VRK2: variants seen among roughly 807,000 people sequenced by gnomAD.
VRK2 encodes VRK serine/threonine kinase 2, also known as serine/threonine-protein kinase VRK2.
In VRK2, 60 loss-of-function variants were observed where a neutral mutation model predicts 57.6. The observed-to-expected ratio is 1.04, with a 90% CI of 0.85 to 1.29. The LOEUF (loss-of-function observed/expected upper bound fraction) is 1.29, where lower values mean the gene tolerates loss of function less well. Among genes scored for constraint, VRK2 ranks in the 50% most tolerant of loss-of-function variants. VRK2 has a pLI of 0.00. For missense variants in VRK2, 705 were observed against 588.1 expected, an observed-to-expected ratio of 1.20 and a Z score of -2.06; for synonymous variants, 231 against 199.2, an observed-to-expected ratio of 1.16 and a Z score of -1.35.
intron 2 of VRK2, among the ~76,000 whole-genome samples, chr2:58,063,323 G>A (rs1336628482): frequency 2.0e-5 from 3 of 150,830 alleles, no homozygotes; most frequent in Admixed American, 2.0e-4. Flanking sequence ...AAGAAGAAGT[G>A]GGTTAAAGGG....
At chr2:57,989,657 T>C (rs1252387010) in intron 1 of VRK2, among the ~76,000 whole-genome samples, 1 of 152,188 alleles carries the variant, frequency 6.6e-6, no homozygotes, top group Non-Finnish European at 1.5e-5. Context: ...AGGACCTCTT[T>C]GTAACTCAGA....
intron 1 of VRK2, among the ~76,000 whole-genome samples, chr2:57,959,764 G>A (rs899791335): frequency 3.9e-5 from 6 of 152,256 alleles, no homozygotes; most frequent in South Asian, 2.1e-4. Context: ...TGAACTGATA[G>A]GAGAGATACT....
At chr2:58,091,297 T>C (rs886268836) in intron 7 of VRK2, among the ~76,000 whole-genome samples, 5 of 152,176 alleles carry the variant, frequency 3.3e-5, no homozygotes, top group African/African-American at 1.2e-4. Flanking sequence ...GGAGAGACTT[T>C]GTGTGGGCTT....
At chr2:57,982,396 G>A (rs1457596499) in intron 1 of VRK2, among the ~76,000 whole-genome samples, 1 of 152,230 alleles carries the variant, frequency 6.6e-6, no homozygotes, top group Non-Finnish European at 1.5e-5. Flanking sequence ...GTCCCTGCAT[G>A]CAAAAGCACT....
At chr2:57,986,519 C>T (rs1672598031) in intron 1 of VRK2, among the ~76,000 whole-genome samples, 1 of 150,994 alleles carries the variant, frequency 6.6e-6, no homozygotes, top group African/African-American at 2.4e-5. Flanking sequence ...GATATCAAGA[C>T]TATAAAGCCA....
intron 7 of VRK2, among the ~76,000 whole-genome samples, chr2:58,100,026 T>C (rs1237243294): frequency 6.6e-6 from 1 of 151,970 alleles, no homozygotes; most frequent in Non-Finnish European, 1.5e-5. Flanking sequence ...AGTTGAAAAG[T>C]AGAAAAAAAT....
rs569596795 is a variant in VRK2, at chr2:58,093,101, G to T, written c.543+3378G>T. ...GGGTTGGTTACAAGTCTTTGCTATT[G>T]TGAATAGTGCTGCAATAAACATACA... On this transcript the variant is annotated intron_variant, in intron 7 of 12. Coordinates refer to ENST00000340157, the MANE Select transcript of VRK2 (RefSeq NM_006296.7). Among the ~76,000 whole-genome samples, 3 of 152,288 alleles carry T rather than the reference G, an allele frequency of 2.0e-5. No individual in the cohort carries two copies. In the South Asian group the frequency reaches 6.2e-4, roughly 32 times the overall value.
At chr2:57,968,390 C>T (rs1249520863) in intron 1 of VRK2, among the ~76,000 whole-genome samples, 2 of 152,124 alleles carry the variant, frequency 1.3e-5, no homozygotes, top group East Asian at 1.9e-4. Flanking sequence ...GGAGGAGGCT[C>T]ACTATGACTT....
intron 2 of VRK2, among the ~76,000 whole-genome samples, chr2:58,077,701 T>G (rs1261513081): frequency 6.6e-6 from 1 of 152,086 alleles, no homozygotes; most frequent in Non-Finnish European, 1.5e-5. Context: ...GGCAGTTCTC[T>G]TGAACTTATC....
chr2:58,089,168 T>A (rs1250360627), intron 6 of VRK2, among the ~76,000 whole-genome samples: 1 of 152,198 alleles, frequency 6.6e-6, no homozygotes, highest in African/African-American at 2.4e-5. Flanking sequence ...AGTTTTCTAT[T>A]ACCATACAGA....
At chr2:58,135,393 A>G (rs191320468) in intron 10 of VRK2, among the ~76,000 whole-genome samples, 194 bp downstream of exon 10, 3 of 151,712 alleles carry the variant, frequency 2.0e-5, no homozygotes, top group Non-Finnish European at 2.9e-5. Context: ...AACACAAAAA[A>G]CCTCAAAAGA....
At chr2:58,041,578 C>T (rs1254198064) in intron 3 of VRK2, among the ~76,000 whole-genome samples, 3 of 152,132 alleles carry the variant, frequency 2.0e-5, no homozygotes, top group Non-Finnish European at 2.9e-5. Context: ...AGCAGTTTAT[C>T]CCCAAATATA....
intron 1 of VRK2, among the ~76,000 whole-genome samples, chr2:57,939,569 GT>G (rs200358204): frequency 2.0e-5 from 3 of 151,600 alleles, no homozygotes; most frequent in East Asian, 3.9e-4. Flanking sequence ...TGGTTTATAT[GT>G]TTTTTTCCAC....
chr2:58,046,452 C>T (rs1407524861), upstream of VRK2: 1 of 979,084 alleles, frequency 1.0e-6, no homozygotes, highest in East Asian at 1.1e-4. Flanking sequence ...CATTTGGAAG[C>T]TCGTAGTACT....
intron 3 of VRK2, among the ~76,000 whole-genome samples, chr2:58,040,282 G>C (rs541325667): frequency 1.3e-5 from 2 of 152,232 alleles, no homozygotes; most frequent in East Asian, 3.9e-4. Flanking sequence ...GAAATAACAA[G>C]GAGTCTTCAG....
Position 58,135,888 on chromosome 2 carries a change from C to G in VRK2, c.856+689C>G, listed in dbSNP as rs572054782. Among the ~76,000 whole-genome samples the G allele has an allele frequency of 4.6e-5, 7 of 152,230 alleles. No homozygotes were observed. The South Asian group carries it at 1.2e-3, about 27-fold the overall frequency. ...TAATTTAACAATTGAGTTAGACTGT[C>G]TTATACGAAAAAGCCAGTGCCCACT... On this transcript the variant is annotated intron_variant, in intron 10 of 12. Transcript: ENST00000340157.
chr2:57,942,528 C>T (rs936513918), intron 1 of VRK2, among the ~76,000 whole-genome samples: 1 of 151,656 alleles, frequency 6.6e-6, no homozygotes, highest in African/African-American at 2.4e-5. Flanking sequence ...TACTAAATGT[C>T]ATTCCAAAAC....
chr2:58,137,224 C>CATATATGATACATATGTATCATAT (rs147019487), intron 10 of VRK2, among the ~76,000 whole-genome samples: 1 of 65,142 alleles, frequency 1.5e-5, no homozygotes, highest in Non-Finnish European at 2.6e-5. Flanking sequence ...ACATATATAT[C>CATATATGATACATATGTATCATAT]ATATGATACA....
At chr2:57,983,878 T>C (rs984974197) in intron 1 of VRK2, among the ~76,000 whole-genome samples, 1 of 152,206 alleles carries the variant, frequency 6.6e-6, no homozygotes, top group Non-Finnish European at 1.5e-5. Flanking sequence ...TGATCAATAC[T>C]TAATATAAAA....
Sources: gnomAD v4.1 joint callset for allele counts (sites outside exome capture counted in the v4.1 genomes callset) on GRCh38, gnomAD v4.1.1 for gene constraint, MANE v1.5 for transcripts, NCBI Gene and HGNC (gene_info 2026-07-23, HGNC 2026-07-21) for gene names.